Variants in MCPH1 observed in about 807,000 individuals in gnomAD.
MCPH1 encodes microcephalin.
A neutral mutation model predicts 84.5 loss-of-function variants in MCPH1; 104 were observed. The observed-to-expected ratio is 1.23, with a 90% CI of 1.05 to 1.45. The LOEUF (loss-of-function observed/expected upper bound fraction) is 1.45, where lower values mean the gene tolerates loss of function less well. MCPH1 is among the 40% of genes most tolerant of loss of function. MCPH1 has a pLI of 0.00. For missense variants in MCPH1, 1,498 were observed against 1,005.7 expected (o/e 1.49, Z -6.62); for synonymous variants, 514 against 366.8 (o/e 1.40, Z -4.58).
chr8:6,624,980 A>G lies in MCPH1; in HGVS notation c.2452+3289A>G. On this transcript the variant is annotated intron_variant, in intron 13 of 13. Coordinates refer to ENST00000344683, the MANE Select transcript of MCPH1 (RefSeq NM_024596.5). Reference sequence around the variant, plus strand: ...AACCTTCACCTCCTGGGTTCAAGTGATTCTTCTGCCTCAGCCTTCCCAGTA... The same window carrying G: ...AACCTTCACCTCCTGGGTTCAAGTGGTTCTTCTGCCTCAGCCTTCCCAGTA... The G allele has an allele frequency of 5.1e-6, 3 of 593,330 alleles. 1 individual carries two copies. The highest frequency in any genetic ancestry group is 7.5e-5 in the South Asian group (1 of 13,272). The allele number at this position is 593,330 out of a possible 1,614,324, so 36.8% of individuals were successfully genotyped here. A position where few individuals can be genotyped will look rare whatever the true frequency, so the allele number is the denominator to read the frequency against.
chr8:6,422,870 A>G (rs913776093), intron 3 of MCPH1, among the ~76,000 whole-genome samples: 15 of 151,594 alleles, frequency 9.9e-5, no homozygotes, highest in Admixed American at 9.9e-4. Flanking sequence ...TTGTGGTTTT[A>G]GTAGAGACGG....
chr8:6,473,787 G>A (rs926646528), intron 9 of MCPH1: 1 of 977,112 alleles, frequency 1.0e-6, no homozygotes, highest in South Asian at 2.4e-5. Context: ...CAATTTCTAT[G>A]ATGTCAGCAG....
chr8:6,502,496 T>C (rs1812387765), intron 12 of MCPH1: 1 of 152,212 alleles, frequency 6.6e-6, no homozygotes, highest in Non-Finnish European at 1.5e-5. Flanking sequence ...TAAATGTAAA[T>C]ACGCTGTTTT....
intron 11 of MCPH1, among the ~76,000 whole-genome samples, chr8:6,495,978 G>C (rs907771073): frequency 4.6e-5 from 7 of 152,180 alleles, no homozygotes; most frequent in Non-Finnish European, 1.0e-4. Context: ...TTTTGTGAAA[G>C]ACAATTTTTC....
rs1238271852 is a variant in MCPH1 at position 6,643,456 on chromosome 8, G to C, written c.*407G>C. 1.6e-5 allele frequency: 4 copies of C among 246,898 alleles called. No homozygotes were observed. The highest frequency in any genetic ancestry group is 1.1e-4 in the East Asian group (1 of 9,522). 15.3% of individuals were successfully genotyped at this position (246,898 alleles called of 1,614,324 possible). ...ATTTTTGTAGTTTTAGTAGAGACAG[G>C]GTTTCGCCATGTTGGCCAGGCTGGT... On this transcript the variant is annotated 3_prime_UTR_variant, in exon 14 of 14. Coordinates refer to ENST00000344683, the MANE Select transcript of MCPH1 (RefSeq NM_024596.5).
chr8:6,468,910 T>C (rs1286991141), intron 9 of MCPH1, among the ~76,000 whole-genome samples: 2 of 152,186 alleles, frequency 1.3e-5, no homozygotes, highest in Non-Finnish European at 2.9e-5. Flanking sequence ...AGCTAAAGGC[T>C]GAGCACAGTG....
chr8:6,509,462 G>C (rs1039027582), intron 12 of MCPH1, among the ~76,000 whole-genome samples: 1 of 152,158 alleles, frequency 6.6e-6, no homozygotes, highest in African/African-American at 2.4e-5. Context: ...ATTATTTTCC[G>C]CAGGGGGCCC....
Position 6,644,815 on chromosome 8 carries a change from G to C in MCPH1, c.*1766G>C, listed in dbSNP as rs1798134492. 2 of 152,172 alleles carry C rather than the reference G, an allele frequency of 1.3e-5. No individual in the cohort carries two copies. Among genetic ancestry groups the C allele is most frequent in the Non-Finnish European group, 1.5e-5 (1 of 68,030 alleles). The allele number at this position is 152,172 out of a possible 1,614,324, so 9.4% of individuals were successfully genotyped here. ...AACAAATATAACAGAACCACTTCTA[G>C]AATGAACCTTTGAGAAGGGAGGTAG... On this transcript the variant is annotated 3_prime_UTR_variant, in exon 14 of 14. Transcript: ENST00000344683.
intron 2 of MCPH1, among the ~76,000 whole-genome samples, chr8:6,411,079 G>T (rs769711969): frequency 1.3e-5 from 2 of 152,070 alleles, no homozygotes; most frequent in Non-Finnish European, 2.9e-5. Flanking sequence ...GACGGAGTAA[G>T]ATTCTGTCTC....
At chr8:6,572,590 GCA>G (rs921776750) in intron 12 of MCPH1, among the ~76,000 whole-genome samples, 4 of 152,188 alleles carry the variant, frequency 2.6e-5, no homozygotes, top group African/African-American at 9.7e-5. Flanking sequence ...AGACCGACGT[GCA>G]CACACACAGT....
intron 13 of MCPH1, chr8:6,625,800 AG>A (rs759077968): frequency 3.9e-4 from 388 of 984,804 alleles, no homozygotes; most frequent in Non-Finnish European, 4.5e-4. Flanking sequence ...GAAAAAAAAA[AG>A]AATCATTTTT....
rs369324548 is a variant in MCPH1, at chr8:6,439,006, C to T, written c.490C>T (p.Pro164Ser). 3.7e-6 allele frequency: 6 copies of T among 1,608,876 alleles called. No homozygotes were observed. In the African/African-American group the frequency reaches 6.7e-5, roughly 18 times the overall value. Residue 164 changes from proline to serine, a missense_variant, in exon 6 of 14, where the codon CCC becomes TCC. Physicochemically the swap from Pro to Ser is moderately conservative, Grantham distance 74. Coordinates refer to ENST00000344683, the MANE Select transcript of MCPH1 (RefSeq NM_024596.5). ...ATCTAATGGTTCATTAATATATACT[C>T]CCACAATTGAAATTAATAGTAGGCA... ...FESNGSLIYT[P>S]TIEINSRHHS...
At chr8:6,442,856 T>C (rs1466303840) in intron 7 of MCPH1, among the ~76,000 whole-genome samples, 1 of 152,208 alleles carries the variant, frequency 6.6e-6, no homozygotes, top group East Asian at 1.9e-4. Context: ...AAGCGCAAGA[T>C]GGCATCAAGA....
intron 12 of MCPH1, among the ~76,000 whole-genome samples, chr8:6,580,150 T>G (rs1827437100): frequency 6.6e-6 from 1 of 152,184 alleles, no homozygotes; most frequent in South Asian, 2.1e-4. Context: ...GATGACTCTG[T>G]GTCCACCAAG....
intron 13 of MCPH1, among the ~76,000 whole-genome samples, chr8:6,641,502 A>G (rs569223993): frequency 7.4e-4 from 112 of 152,344 alleles, no homozygotes; most frequent in African/African-American, 2.6e-3. Flanking sequence ...AGCATTTTGG[A>G]AGACTGAGGC....
chr8:6,568,780 G>A (rs1441224848), intron 12 of MCPH1, among the ~76,000 whole-genome samples: 5 of 152,200 alleles, frequency 3.3e-5, no homozygotes, highest in Non-Finnish European at 7.4e-5. Context: ...TCCTCAGCAC[G>A]GCCTGCCCGG....
In MCPH1 at chr8:6,648,495, G is replaced by C. The variant is rs528316997; in HGVS notation, c.*5446G>C. 1 of 152,088 alleles carries C rather than the reference G, an allele frequency of 6.6e-6. No homozygotes were observed. The highest frequency in any genetic ancestry group is 1.9e-4 in the East Asian group (1 of 5,144). 9.4% of individuals were successfully genotyped at this position (152,088 alleles called of 1,614,324 possible). ...AAAGTGGAATAAATAAAAACTAACT[G>C]TCTCATTTCAGCACTGGCAGTCTCA... On this transcript the variant is annotated 3_prime_UTR_variant, in exon 14 of 14. Transcript: ENST00000344683.
intron 11 of MCPH1, among the ~76,000 whole-genome samples, chr8:6,498,762 G>C (rs1250845876): frequency 6.6e-6 from 1 of 152,116 alleles, no homozygotes; most frequent in Non-Finnish European, 1.5e-5. Flanking sequence ...ATGAGCTTGT[G>C]GGGAGCCTCA....
intron 12 of MCPH1, among the ~76,000 whole-genome samples, chr8:6,597,760 C>T (rs545172368): frequency 3.3e-5 from 5 of 152,324 alleles, no homozygotes; most frequent in African/African-American, 9.6e-5. Context: ...CCTCACTGCG[C>T]CCCTCCTGAA....
Sources: gnomAD v4.1 joint callset for allele counts (sites outside exome capture counted in the v4.1 genomes callset) on GRCh38, gnomAD v4.1.1 for gene constraint, MANE v1.5 for transcripts, NCBI Gene and HGNC (gene_info 2026-07-23, HGNC 2026-07-21) for gene names.